The following CHCHD10 variants were observed in gnomAD, a reference collection of about 807,000 sequenced individuals.
The protein encoded by CHCHD10 is coiled-coil-helix-coiled-coil-helix domain containing 10.
A neutral mutation model predicts 14.8 loss-of-function variants in CHCHD10; 10 were observed. The observed-to-expected ratio is 0.67, with a 90% CI of 0.42 to 1.14. The LOEUF (loss-of-function observed/expected upper bound fraction) is 1.14. CHCHD10 is among the 50% of genes most tolerant of loss of function. The pLI, the probability that CHCHD10 is intolerant of heterozygous loss-of-function variation, is 0.00. For synonymous variants in CHCHD10, 90 were observed against 85.2 expected (o/e 1.06, Z -0.31); for missense variants, 203 against 196.9 (o/e 1.03, Z -0.19).
At chr22:23,766,566 C>T in intron 2 of CHCHD10, 1 of 374,444 alleles carries the variant, frequency 2.7e-6, no homozygotes, top group Non-Finnish European at 4.8e-6. Flanking sequence ...GGTTGTCCTG[C>T]CTTGGCCTCC....
chr22:23,767,573 G>A lies in CHCHD10; in HGVS notation c.62C>T (p.Ala21Val). The change falls in exon 2 of 4, where the codon GCC (alanine) becomes GTC (valine). Residue 21 changes from alanine to valine, a missense_variant. Coordinates refer to ENST00000484558, the MANE Select transcript of CHCHD10 (RefSeq NM_213720.3). ...GGGCGGTGGGTGCGCGGGCGGGTGG[G>A]CAGAGGGCGCGGCTGGGCGGCTGCG... Reference protein sequence around the residue: ...RPASRPAAPSAHPPAHPPPSA... With the variant: ...RPASRPAAPSVHPPAHPPPSA... 1 of 1,182,526 alleles carries A rather than the reference G, an allele frequency of 8.5e-7. No homozygotes were observed. The highest frequency in any genetic ancestry group is 1.1e-6 in the Non-Finnish European group (1 of 901,554). The allele number at this position is 1,182,526 out of a possible 1,614,324, so 73.3% of individuals were successfully genotyped here. A position where few individuals can be genotyped will look rare whatever the true frequency, so the allele number is the denominator to read the frequency against.
chr22:23,766,069 G>A (rs1230176181), intron 3 of CHCHD10, 43 bp from the exon 4 acceptor site: 1 of 1,612,820 alleles, frequency 6.2e-7, no homozygotes, highest in African/African-American at 1.3e-5. Context: ...CAGCCTGCAG[G>A]TGCAAGAGGA....
In CHCHD10 at chr22:23,767,831, C is replaced by A; in HGVS notation, c.41+3G>T. The A allele has an allele frequency of 1.3e-6, 2 of 1,536,216 alleles. No homozygotes were observed. Among genetic ancestry groups the A allele is most frequent in the Non-Finnish European group, 1.7e-6 (2 of 1,143,282 alleles). The stretch of plus-strand genomic sequence containing the variant: ...CCCCACAGGGCCCTTGTCCCCCTCA[C>A]ACCTGGCTGGCCGGGAGGCCGCGCT... On this transcript the variant is annotated splice_donor_region_variant and intron_variant, in intron 1 of 3. Coordinates refer to ENST00000484558, the MANE Select transcript of CHCHD10 (RefSeq NM_213720.3).
rs1490753681 is a variant in CHCHD10, at chr22:23,766,271, G to A, written c.266C>T (p.Pro89Leu). 4 of 1,544,598 alleles carry A rather than the reference G, an allele frequency of 2.6e-6. No homozygotes were observed. Among genetic ancestry groups the A allele is most frequent in the East Asian group, 4.9e-5 (2 of 40,846 alleles). Reference sequence around the variant, plus strand: ...CAGGGGCTGGGGGGCAGCGGGGGTGGGGGCCTGGGGGTACAGTGCAAGAGG... The same window carrying A: ...CAGGGGCTGGGGGGCAGCGGGGGTGAGGGCCTGGGGGTACAGTGCAAGAGG... ...EPSQPAVQQA[P>L]TPAAPQPLQM... Residue 89 changes from proline (P) to leucine (L), a missense_variant, in exon 3 of 4, where the codon CCC becomes CTC. Physicochemically the swap from Pro to Leu is moderately conservative, Grantham distance 98 (BLOSUM62 -3). Coordinates refer to ENST00000484558, the MANE Select transcript of CHCHD10 (RefSeq NM_213720.3).
Position 23,767,438 on chromosome 22 carries a change from C to T in CHCHD10, c.197G>A (p.Gly66Asp), listed in dbSNP as rs730880031. The T allele has an allele frequency of 6.2e-7, 1 of 1,605,046 alleles. No homozygotes were observed. ...GCTGAAGGCTCCGGTCAGGGCGCTG[C>T]CCATGACGTGTCCCACAGCCGAGCC... Reference protein sequence around the residue: ...AVGSAVGHVMGSALTGAFSGG... With the variant: ...AVGSAVGHVMDSALTGAFSGG... Residue 66 changes from glycine to aspartate, a missense_variant, in exon 2 of 4, where the codon GGC (glycine) becomes GAC (aspartate). Coordinates refer to ENST00000484558, the MANE Select transcript of CHCHD10 (RefSeq NM_213720.3).
intron 2 of CHCHD10, 134 bp downstream of exon 2, chr22:23,767,239 AG>A: frequency 1.4e-6 from 1 of 733,356 alleles, no homozygotes; most frequent in Non-Finnish European, 2.3e-6. Context: ...CCAGTGGACT[AG>A]GACCCTTCCC....
chr22:23,767,095 C>A (rs895687771), intron 2 of CHCHD10, among the ~76,000 whole-genome samples: 2 of 152,236 alleles, frequency 1.3e-5, no homozygotes, highest in East Asian at 3.9e-4. Context: ...TGACCTTGGG[C>A]GAGTCTCTGA....
rs1926955562 is a variant in CHCHD10, at chr22:23,767,597, CG to C, written c.42-5del. On this transcript the variant is annotated splice_region_variant and splice_polypyrimidine_tract_variant and intron_variant, in intron 1 of 3. Transcript: ENST00000484558. ...GGCAGAGGGCGCGGCTGGGCGGCTG[CG>C]GGGGTGGGAGGAAGCAGGGTTAATC... The C allele has an allele frequency of 4.3e-6, 4 of 937,762 alleles. No homozygotes were observed. Among genetic ancestry groups the C allele is most frequent in the Non-Finnish European group, 4.4e-6 (3 of 682,212 alleles). The allele number at this position is 937,762 out of a possible 1,614,324, so 58.1% of individuals were successfully genotyped here. A position where few individuals can be genotyped will look rare whatever the true frequency, so the allele number is the denominator to read the frequency against.
intron 2 of CHCHD10, 63 bp downstream of exon 2, chr22:23,767,311 G>T: frequency 1.4e-6 from 2 of 1,389,376 alleles, no homozygotes; most frequent in Non-Finnish European, 2.0e-6. Context: ...CTGGACACTT[G>T]GGCAGCTCCC....
At position 23,767,840 on chromosome 22, in the gene CHCHD10, G is replaced by C. The variant is rs1459233396; in HGVS notation, c.35C>G (p.Pro12Arg). 3 of 1,522,604 alleles carry C rather than the reference G, an allele frequency of 2.0e-6. No homozygotes were observed. The South Asian group carries it at 3.7e-5, about 19-fold the overall frequency. The allele number at this position is 1,522,604 out of a possible 1,614,324, so 94.3% of individuals were successfully genotyped here. The change falls in exon 1 of 4, where the codon CCA becomes CGA. Residue 12 changes from proline to arginine, a missense_variant. By Grantham distance (103) the Pro-to-Arg change is moderately radical. Coordinates refer to ENST00000484558, the MANE Select transcript of CHCHD10 (RefSeq NM_213720.3). ...PRGSRSAASR[P>R]ASRPAAPSAH... Reference sequence around the variant, plus strand: ...GCCCTTGTCCCCCTCACACCTGGCTGGCCGGGAGGCCGCGCTGCGGCTTCC... The same window carrying C: ...GCCCTTGTCCCCCTCACACCTGGCTCGCCGGGAGGCCGCGCTGCGGCTTCC...
chr22:23,767,465 A>C lies in CHCHD10; in HGVS notation c.170T>G (p.Val57Gly), dbSNP rs1248724586. ...QMATTAAGVA[V>G]GSAVGHVMGS... ...CATGACGTGTCCCACAGCCGAGCCC[A>C]CGGCTACCCCTGCGGCCGTGGTCGC... Residue 57 changes from valine (V) to glycine (G), a missense_variant, in exon 2 of 4, where the codon GTG becomes GGG. Coordinates refer to ENST00000484558, the MANE Select transcript of CHCHD10 (RefSeq NM_213720.3). 6.3e-7 allele frequency: 1 copy of C among 1,595,794 alleles called. No individual in the cohort carries two copies. Among genetic ancestry groups the C allele is most frequent in the Non-Finnish European group, 8.5e-7 (1 of 1,173,062 alleles).
Position 23,766,264 on chromosome 22 carries a change from G to C in CHCHD10, c.273C>G (p.Pro91=). The change falls in exon 3 of 4, where the codon CCC becomes CCG. Residue 91 remains proline, a synonymous_variant. Transcript: ENST00000484558. Reference sequence around the variant, plus strand: ...CCATCTGCAGGGGCTGGGGGGCAGCGGGGGTGGGGGCCTGGGGGTACAGTG... The same window carrying C: ...CCATCTGCAGGGGCTGGGGGGCAGCCGGGGTGGGGGCCTGGGGGTACAGTG... The part of the protein sequence containing the change: ...SQPAVQQAPT[P]AAPQPLQMGP... The C allele has an allele frequency of 6.5e-7, 1 of 1,537,346 alleles. No homozygotes were observed. Among genetic ancestry groups the C allele is most frequent in the Middle Eastern group, 2.3e-4 (1 of 4,332 alleles).
Position 23,765,934 on chromosome 22 carries a change from G to A in CHCHD10, c.*73C>T, listed in dbSNP as rs1926729712. 6.2e-7 allele frequency: 1 copy of A among 1,605,820 alleles called. No homozygotes were observed. Among genetic ancestry groups the A allele is most frequent in the Non-Finnish European group, 8.5e-7 (1 of 1,173,638 alleles). Reference sequence around the variant, plus strand: ...AATCCCAGCTATCTGGGTACAATCTGGTGTTGTGGTCTGGCTGTCGGCGAG... The same window carrying A: ...AATCCCAGCTATCTGGGTACAATCTAGTGTTGTGGTCTGGCTGTCGGCGAG... On this transcript the variant is annotated 3_prime_UTR_variant, in exon 4 of 4. Transcript: ENST00000484558.
At chr22:23,766,505 T>A (rs1211970615) in intron 2 of CHCHD10, 37 of 496,178 alleles carry the variant, frequency 7.5e-5, no homozygotes, top group Non-Finnish European at 1.3e-4. Context: ...TAGAGTGGAG[T>A]GCAGCGGCGC....
In CHCHD10 at chr22:23,767,501, A is replaced by G; in HGVS notation, c.134T>C (p.Met45Thr). Reference protein sequence around the residue: ...APAPSGQPGLMAQMATTAAGV... With the variant: ...APAPSGQPGLTAQMATTAAGV... Reference sequence around the variant, plus strand: ...TGCGGCCGTGGTCGCCATCTGAGCCATGAGCCCCGGCTGGCCCGAAGGGGC... The same window carrying G: ...TGCGGCCGTGGTCGCCATCTGAGCCGTGAGCCCCGGCTGGCCCGAAGGGGC... Residue 45 changes from methionine to threonine, a missense_variant, in exon 2 of 4, where the codon ATG becomes ACG. Physicochemically the swap from Met to Thr is moderately conservative, Grantham distance 81 (BLOSUM62 -1). Coordinates refer to ENST00000484558, the MANE Select transcript of CHCHD10 (RefSeq NM_213720.3). 2 of 1,535,294 alleles carry G rather than the reference A, an allele frequency of 1.3e-6. No individual in the cohort carries two copies. The highest frequency in any genetic ancestry group is 1.9e-5 in the Admixed American group (1 of 52,914).
intron 1 of CHCHD10, 90 bp from the exon 2 acceptor site, chr22:23,767,683 C>A: frequency 1.2e-6 from 1 of 827,876 alleles, no homozygotes; most frequent in Non-Finnish European, 1.8e-6. Flanking sequence ...GAGAGATGGA[C>A]GACCCACGTC....
At position 23,767,876 on chromosome 22, in the gene CHCHD10, G is replaced by A. The variant is rs1926996251; in HGVS notation, c.-2C>T. The A allele has an allele frequency of 5.3e-6, 8 of 1,509,596 alleles. No homozygotes were observed. The highest frequency in any genetic ancestry group is 1.2e-5 in the South Asian group (1 of 80,562). 93.5% of individuals were successfully genotyped at this position (1,509,596 alleles called of 1,614,324 possible). ...CGCGCTGCGGCTTCCCCGAGGCATG[G>A]TGGCGGCGGTGGGACCCGGGCGACC... On this transcript the variant is annotated 5_prime_UTR_variant, in exon 1 of 4. Coordinates refer to ENST00000484558, the MANE Select transcript of CHCHD10 (RefSeq NM_213720.3).
At position 23,767,867 on chromosome 22, in the gene CHCHD10, C is replaced by T; in HGVS notation, c.8G>A (p.Arg3Gln). Residue 3 changes from arginine (R) to glutamine (Q), a missense_variant, in exon 1 of 4, where the codon CGG (arginine) becomes CAG (glutamine). By Grantham distance (43) the Arg-to-Gln change is conservative. Transcript: ENST00000484558. ...CCGGGAGGCCGCGCTGCGGCTTCCC[C>T]GAGGCATGGTGGCGGCGGTGGGACC... The part of the protein sequence containing the change: MP[R>Q]GSRSAASRPA... The T allele has an allele frequency of 2.0e-6, 3 of 1,513,502 alleles. No individual in the cohort carries two copies. The highest frequency in any genetic ancestry group is 2.7e-6 in the Non-Finnish European group (3 of 1,129,174). 93.8% of individuals were successfully genotyped at this position (1,513,502 alleles called of 1,614,324 possible).
Position 23,767,377 on chromosome 22 carries a change from C to T in CHCHD10, c.258G>A (p.Gln86=). ...GSSEPSQPAV[Q]QAPTPAAPQP... ...TTCTCTTGGACTCGCTGCTCACCTG[C>T]TGGACAGCAGGCTGGGAGGGCTCCG... The change falls in exon 2 of 4, where the codon CAG becomes CAA. Residue 86 remains glutamine, a synonymous_variant. Transcript: ENST00000484558. 6.2e-7 allele frequency: 1 copy of T among 1,608,648 alleles called. No homozygotes were observed. Among genetic ancestry groups the T allele is most frequent in the Non-Finnish European group, 8.5e-7 (1 of 1,178,834 alleles).
Sources: gnomAD v4.1 joint callset for allele counts (sites outside exome capture counted in the v4.1 genomes callset) on GRCh38, gnomAD v4.1.1 for gene constraint, MANE v1.5 for transcripts, NCBI Gene and HGNC (gene_info 2026-07-23, HGNC 2026-07-21) for gene names.